MAPK8: variants seen among roughly 807,000 people sequenced by gnomAD.
MAPK8 encodes the protein mitogen-activated protein kinase 8, also known as JUN N-terminal kinase.
MAPK8 carries 13 observed loss-of-function variants against 52.9 expected under a neutral mutation model. That is an observed-to-expected ratio of 0.25 (90% confidence interval 0.16 to 0.39). The LOEUF (loss-of-function observed/expected upper bound fraction) is 0.39. MAPK8 is among the 10% of genes least tolerant of loss of function. The probability of loss-of-function intolerance (pLI) is 1.00; values close to 1 mark genes in which losing one functional copy is unlikely to be tolerated. For missense variants in MAPK8, 300 were observed against 519.2 expected (o/e 0.58, Z 4.10); for synonymous variants, 191 against 169.8 (o/e 1.12, Z -0.97).
chr10:48,425,054 A>G (rs956931096), intron 7 of MAPK8: 2 of 620,302 alleles, frequency 3.2e-6, no homozygotes, highest in African/African-American at 3.7e-5. Flanking sequence ...TTTCAGCAGT[A>G]GTAGTTTTGT....
At chr10:48,434,670 C>T (rs902056672) in intron 11 of MAPK8, among the ~76,000 whole-genome samples, 1 of 152,180 alleles carries the variant, frequency 6.6e-6, no homozygotes, top group Non-Finnish European at 1.5e-5. Flanking sequence ...AAGGATAGGA[C>T]TCCACGATTC....
intron 5 of MAPK8, among the ~76,000 whole-genome samples, chr10:48,419,555 G>T (rs369875343): frequency 6.6e-6 from 1 of 152,172 alleles, no homozygotes; most frequent in African/African-American, 2.4e-5. Context: ...AGGCAATGGT[G>T]TCCTACTTCT....
At chr10:48,425,696 A>G (rs2043637754) in intron 7 of MAPK8, 192 bp from the exon 8 acceptor site, 4 of 440,310 alleles carry the variant, frequency 9.1e-6, no homozygotes, top group Non-Finnish European at 8.0e-6. Flanking sequence ...AATAAGGTTA[A>G]TAAAGCTTAT....
At chr10:48,425,801 T>A in intron 7 of MAPK8, 87 bp from the exon 8 acceptor site, 1 of 867,494 alleles carries the variant, frequency 1.2e-6, no homozygotes, top group Non-Finnish European at 1.7e-6. Context: ...CTTAGGAATT[T>A]TTAAATTTCT....
rs1303269053 is a variant in MAPK8, at chr10:48,406,401, A to G, written c.252+1420A>G. On this transcript the variant is annotated intron_variant, in intron 3 of 11. Coordinates refer to ENST00000374189, the MANE Select transcript of MAPK8 (RefSeq NM_001323329.2). ...TTAGTTTTTCCTTGGGGAGGAGTTC[A>G]GTTAATCCTACCTCTCAAGCCTGGG... Among the ~76,000 whole-genome samples, 3 of 152,258 alleles carry G rather than the reference A, an allele frequency of 2.0e-5. No homozygotes were observed. The South Asian group carries it at 6.2e-4, about 32-fold the overall frequency.
chr10:48,335,458 C>G (rs1019704747), intron 1 of MAPK8, among the ~76,000 whole-genome samples: 1 of 152,122 alleles, frequency 6.6e-6, no homozygotes, highest in Admixed American at 6.5e-5. Context: ...TTACTTACTA[C>G]TCATCTCACC....
At chr10:48,332,159 G>C (rs1238959272) in intron 1 of MAPK8, among the ~76,000 whole-genome samples, 1 of 152,172 alleles carries the variant, frequency 6.6e-6, no homozygotes, top group Non-Finnish European at 1.5e-5. Context: ...GTTGGAAGGG[G>C]AAAGGCTTCC....
chr10:48,431,162 A>G (rs759688716), intron 10 of MAPK8, 31 bp from the exon 11 acceptor site: 2 of 1,471,630 alleles, frequency 1.4e-6, no homozygotes, highest in Admixed American at 3.4e-5. Flanking sequence ...TTAGACTTTG[A>G]AAAGTTCATT....
chr10:48,357,360 T>A (rs1418346158), intron 1 of MAPK8, among the ~76,000 whole-genome samples: 2 of 152,214 alleles, frequency 1.3e-5, no homozygotes, highest in Non-Finnish European at 2.9e-5. Flanking sequence ...TTGCTAAGAA[T>A]AATCAGTGAT....
intron 11 of MAPK8, 22 bp downstream of exon 11, chr10:48,431,292 G>A: frequency 1.9e-6 from 3 of 1,543,284 alleles, no homozygotes; most frequent in Non-Finnish European, 2.7e-6. Context: ...TATAAGCTTG[G>A]TTAAGATTAC....
chr10:48,432,585 A>G (rs750142572), intron 11 of MAPK8, among the ~76,000 whole-genome samples: 3 of 152,158 alleles, frequency 2.0e-5, no homozygotes, highest in African/African-American at 7.2e-5. Flanking sequence ...TAGTAGTAAC[A>G]ATTGTTCATG....
At chr10:48,356,530 G>A (rs1167321865) in intron 1 of MAPK8, among the ~76,000 whole-genome samples, 1 of 151,916 alleles carries the variant, frequency 6.6e-6, no homozygotes, top group Non-Finnish European at 1.5e-5. Context: ...AGTTTGAGTG[G>A]CCTACTGAAT....
intron 11 of MAPK8, among the ~76,000 whole-genome samples, chr10:48,433,306 T>C (rs2044517113): frequency 6.6e-6 from 1 of 152,176 alleles, no homozygotes; most frequent in African/African-American, 2.4e-5. Flanking sequence ...GACCCTGAAC[T>C]AGAGGCATAT....
intron 2 of MAPK8, among the ~76,000 whole-genome samples, chr10:48,404,293 A>T (rs1478018522): frequency 6.6e-6 from 1 of 151,296 alleles, no homozygotes; most frequent in Admixed American, 6.6e-5. Context: ...AGTAGCTGGG[A>T]CTACAGGTGT....
chr10:48,427,585 G>A (rs369199040), intron 10 of MAPK8, among the ~76,000 whole-genome samples: 5 of 151,758 alleles, frequency 3.3e-5, no homozygotes, highest in African/African-American at 1.2e-4. Flanking sequence ...TCTGCCTCCC[G>A]GGTTCACGCC....
At chr10:48,329,935 A>T (rs946113598) in intron 1 of MAPK8, among the ~76,000 whole-genome samples, 1 of 152,204 alleles carries the variant, frequency 6.6e-6, no homozygotes, top group Non-Finnish European at 1.5e-5. Context: ...GGAAGCATTT[A>T]AAAAAATTTT....
Position 48,410,585 on chromosome 10 carries a change from C to T in MAPK8, c.450+417C>T, listed in dbSNP as rs150091376. 1.5e-3 allele frequency among the ~76,000 whole-genome samples: 226 copies of T among 152,266 alleles called. 1 individual carries two copies. The highest frequency in any genetic ancestry group is 5.3e-3 in the African/African-American group (219 of 41,550). ...TTTCTACCTTTCAGCTATTATGGAT[C>T]GTGCTATGAAAATTCAAGCACAAAT... On this transcript the variant is annotated intron_variant, in intron 5 of 11. Transcript: ENST00000374189.
In MAPK8 at chr10:48,409,856, CTG is replaced by C. The variant is rs768711973; in HGVS notation, c.253-21_253-20del. 1.9e-6 allele frequency: 3 copies of C among 1,538,812 alleles called. No homozygotes were observed. In the African/African-American group the frequency reaches 4.1e-5, roughly 21 times the overall value. ...TATTATGAAGTAATTTCTAATTTTT[CTG>C]TCTCTCGACTTTTATTATAGATAAT... On this transcript the variant is annotated intron_variant, in intron 3 of 11. Coordinates refer to ENST00000374189, the MANE Select transcript of MAPK8 (RefSeq NM_001323329.2).
chr10:48,418,550 C>T (rs2043185815), intron 5 of MAPK8, among the ~76,000 whole-genome samples: 1 of 152,084 alleles, frequency 6.6e-6, no homozygotes, highest in African/African-American at 2.4e-5. Flanking sequence ...GTGCACTGGC[C>T]CTTCTCTTCT....
Sources: gnomAD v4.1 joint callset for allele counts (sites outside exome capture counted in the v4.1 genomes callset) on GRCh38, gnomAD v4.1.1 for gene constraint, MANE v1.5 for transcripts, NCBI Gene and HGNC (gene_info 2026-07-23, HGNC 2026-07-21) for gene names.